The following MTMR2 variants were observed in gnomAD, a reference collection of about 807,000 sequenced individuals.
MTMR2 encodes myotubularin related protein 2.
Under a neutral mutation model 86.9 loss-of-function variants are expected in MTMR2, and 55 were observed. The observed-to-expected ratio is 0.63, with a 90% CI of 0.51 to 0.79. MTMR2 has a LOEUF of 0.79. Ranked by LOEUF, MTMR2 falls within the 30% of genes least tolerant of loss-of-function variation. The probability of loss-of-function intolerance (pLI) is 0.00; values close to 1 mark genes in which losing one functional copy is unlikely to be tolerated. For synonymous variants in MTMR2, 241 were observed against 266.8 expected, an observed-to-expected ratio of 0.90 and a Z score of 0.94; for missense variants, 659 against 772.3, an observed-to-expected ratio of 0.85 and a Z score of 1.74.
At chr11:95,919,640 T>A (rs572282519) in intron 1 of MTMR2, among the ~76,000 whole-genome samples, 1 of 152,206 alleles carries the variant, frequency 6.6e-6, no homozygotes, top group Non-Finnish European at 1.5e-5. Flanking sequence ...AACCTCATTG[T>A]GTGTAGGACT....
chr11:95,920,969 A>G (rs747793598), intron 1 of MTMR2, among the ~76,000 whole-genome samples: 11 of 152,180 alleles, frequency 7.2e-5, no homozygotes, highest in Admixed American at 6.5e-5. Flanking sequence ...CTACTTCCCA[A>G]AAGGGCTTCA....
chr11:95,907,623 T>G (rs961486533), intron 1 of MTMR2, among the ~76,000 whole-genome samples: 4 of 152,100 alleles, frequency 2.6e-5, no homozygotes, highest in Admixed American at 1.3e-4. Context: ...AACAAAATAG[T>G]AGCAAATCGA....
chr11:95,867,114 TAACAA>T (rs1864643102), intron 2 of MTMR2, among the ~76,000 whole-genome samples: 1 of 152,044 alleles, frequency 6.6e-6, no homozygotes, highest in Admixed American at 6.6e-5. Flanking sequence ...GACCCAAAGA[TAACAA>T]AACAAATATC....
At chr11:95,876,429 T>G (rs1865116200) in intron 2 of MTMR2, among the ~76,000 whole-genome samples, 1 of 152,164 alleles carries the variant, frequency 6.6e-6, no homozygotes, top group South Asian at 2.1e-4. Flanking sequence ...CTAGAATACA[T>G]CAAGCACTTT....
In MTMR2 at chr11:95,849,879, T is replaced by C. The variant is rs1863951707; in HGVS notation, c.805-17A>G. The C allele has an allele frequency of 1.3e-6, 2 of 1,582,590 alleles. No homozygotes were observed. The highest frequency in any genetic ancestry group is 1.7e-6 in the Non-Finnish European group (2 of 1,154,206). ...TGATAAAACCTTAATGAGGAAAAAA[T>C]GGTAACACACCTTTTACATACTTCT... On this transcript the variant is annotated splice_polypyrimidine_tract_variant and intron_variant, in intron 8 of 14. Transcript: ENST00000346299.
intron 1 of MTMR2, among the ~76,000 whole-genome samples, chr11:95,914,709 T>G (rs1866636428): frequency 6.6e-6 from 1 of 152,172 alleles, no homozygotes; most frequent in African/African-American, 2.4e-5. Flanking sequence ...CATGTCCTTA[T>G]CACTACCACC....
intron 2 of MTMR2, among the ~76,000 whole-genome samples, chr11:95,880,544 C>T (rs1427224337): frequency 6.6e-6 from 1 of 152,004 alleles, no homozygotes; most frequent in Admixed American, 6.5e-5. Context: ...TGTTTCAGCA[C>T]TGTATGAGAA....
In MTMR2 at chr11:95,858,592, C is replaced by T. The variant is rs768008435; in HGVS notation, c.509G>A (p.Arg170Gln). ...ATTCTCAAATATGGATCTTCTTGTC[C>T]GCCCCTCAGGTTTATGAGCAAATCG... ...NLRFAHKPEG[R>Q]TRRSIFENLM... The change falls in exon 6 of 15, where the codon CGG becomes CAG. Residue 170 changes from arginine to glutamine, a missense_variant. Physicochemically the swap from Arg to Gln is conservative, Grantham distance 43. Around this residue, in one of 3 missense-constraint regions of MTMR2, gnomAD observed 387 missense variants for 526.3 expected, o/e 0.74. Coordinates refer to ENST00000346299, the MANE Select transcript of MTMR2 (RefSeq NM_016156.6). 13 of 1,612,440 alleles carry T rather than the reference C, an allele frequency of 8.1e-6. No individual in the cohort carries two copies. The highest frequency in any genetic ancestry group is 6.7e-5 in the African/African-American group (5 of 74,832).
At chr11:95,884,907 T>TC (rs1242375593) in intron 2 of MTMR2, among the ~76,000 whole-genome samples, 1 of 152,148 alleles carries the variant, frequency 6.6e-6, no homozygotes, top group Admixed American at 6.5e-5. Context: ...TTCTTTTTTT[T>TC]CTCTGCCCTT....
rs184178955 is a variant in MTMR2 at position 95,865,186 on chromosome 11, C to T, written c.262+415G>A. Reference sequence around the variant, plus strand: ...AGAAGAAAGACATGAAGGAAGCAAACAGAAGAGAAGATATTTTAAGAAAAA... The same window carrying T: ...AGAAGAAAGACATGAAGGAAGCAAATAGAAGAGAAGATATTTTAAGAAAAA... On this transcript the variant is annotated intron_variant, in intron 3 of 14. Transcript: ENST00000346299. 1.2e-3 allele frequency among the ~76,000 whole-genome samples: 190 copies of T among 152,194 alleles called. 2 individuals carry two copies. Among genetic ancestry groups the T allele is most frequent in the African/African-American group, 4.3e-3 (178 of 41,534 alleles).
chr11:95,882,889 A>ATTTTTTTTTTTTT (rs776661875), intron 2 of MTMR2, among the ~76,000 whole-genome samples: 17 of 76,080 alleles, frequency 2.2e-4, no homozygotes, highest in East Asian at 3.8e-4. Context: ...CATCCAGCTA[A>ATTTTTTTTTTTTT]TTTTTTTTTT....
intron 7 of MTMR2, among the ~76,000 whole-genome samples, chr11:95,857,210 C>T (rs988626245): frequency 3.9e-5 from 6 of 152,050 alleles, no homozygotes; most frequent in African/African-American, 1.4e-4. Context: ...TTCTAGAATA[C>T]TCTAGATAAC....
intron 1 of MTMR2, among the ~76,000 whole-genome samples, chr11:95,894,998 GTTC>G (rs1358947512): frequency 6.6e-6 from 1 of 151,962 alleles, no homozygotes; most frequent in Non-Finnish European, 1.5e-5. Context: ...CAATTTTCAT[GTTC>G]TTTTCTTCCT....
chr11:95,852,995 A>G (rs1025257172), intron 7 of MTMR2, among the ~76,000 whole-genome samples: 2 of 151,708 alleles, frequency 1.3e-5, no homozygotes, highest in Non-Finnish European at 2.9e-5. Flanking sequence ...AGATCACGCC[A>G]CTGCACTCCA....
chr11:95,860,489 A>T (rs1864372191), intron 5 of MTMR2, among the ~76,000 whole-genome samples: 1 of 152,232 alleles, frequency 6.6e-6, no homozygotes, highest in Non-Finnish European at 1.5e-5. Context: ...CAACAGAGCC[A>T]GACTCTTGTC....
At chr11:95,862,535 C>T (rs945159594) in intron 3 of MTMR2, among the ~76,000 whole-genome samples, 169 bp from the exon 4 acceptor site, 26 of 152,156 alleles carry the variant, frequency 1.7e-4, no homozygotes, top group Admixed American at 2.0e-4. Context: ...CATCCTTGCA[C>T]TAATCTGGGG....
chr11:95,844,853 A>T, intron 11 of MTMR2, 100 bp downstream of exon 11: 1 of 1,096,124 alleles, frequency 9.1e-7, no homozygotes, highest in South Asian at 1.3e-5. Flanking sequence ...TAGATAAATG[A>T]TCAATTTCAG....
intron 3 of MTMR2, chr11:95,865,376 A>G: frequency 1.8e-6 from 1 of 548,178 alleles, no homozygotes; most frequent in South Asian, 2.6e-5. Flanking sequence ...GAGGCAAAGT[A>G]TAATTCAATT....
At chr11:95,860,409 G>T (rs1342514839) in intron 5 of MTMR2, among the ~76,000 whole-genome samples, 2 of 152,150 alleles carry the variant, frequency 1.3e-5, no homozygotes, top group Non-Finnish European at 2.9e-5. Flanking sequence ...GCTGAGGTAG[G>T]AGAATCACTT....
Sources: allele counts gnomAD v4.1 joint callset (sites outside exome capture counted in the v4.1 genomes callset), GRCh38; gene constraint gnomAD v4.1.1; regional missense constraint gnomAD v4.1.1; transcripts MANE v1.5; gene names NCBI Gene and HGNC (gene_info 2026-07-23, HGNC 2026-07-21).